The following PDE4D variants were observed in gnomAD, a reference collection of about 807,000 sequenced individuals.
The protein encoded by PDE4D is phosphodiesterase 4D.
PDE4D carries 24 observed loss-of-function variants against 87.4 expected under a neutral mutation model. The ratio of observed to expected loss-of-function variants is 0.27; its 90% CI spans 0.20 to 0.39. The LOEUF (loss-of-function observed/expected upper bound fraction) is 0.39. Among genes scored for constraint, PDE4D ranks in the 10% least tolerant of loss-of-function variants. The pLI is 1.00. For synonymous variants in PDE4D, 384 were observed against 383.2 expected (o/e 1.00, Z -0.02); for missense variants, 714 against 1,041.0 (o/e 0.69, Z 4.32).
chr5:59,512,413 T>C (rs1562311600), intron 1 of PDE4D, among the ~76,000 whole-genome samples: 1 of 152,160 alleles, frequency 6.6e-6, no homozygotes, highest in African/African-American at 2.4e-5. Context: ...GTCATGGAGC[T>C]CCATATGCCT....
intron 3 of PDE4D, among the ~76,000 whole-genome samples, chr5:59,920,404 G>A (rs973408200): frequency 1.2e-4 from 18 of 152,132 alleles, no homozygotes; most frequent in African/African-American, 4.1e-4. Flanking sequence ...ATGCTGATGT[G>A]TTGAATGTAC....
At chr5:59,402,722 C>A (rs543644102) in intron 1 of PDE4D, among the ~76,000 whole-genome samples, 1 of 152,130 alleles carries the variant, frequency 6.6e-6, no homozygotes, top group Non-Finnish European at 1.5e-5. Context: ...ATGCACAGGG[C>A]TTAGAACAAG....
At chr5:59,064,516 C>G (rs1037627428) in intron 5 of PDE4D, among the ~76,000 whole-genome samples, 1 of 152,028 alleles carries the variant, frequency 6.6e-6, no homozygotes, top group African/African-American at 2.4e-5. Context: ...TACAGGCTAC[C>G]CGTTTCCCAG....
intron 1 of PDE4D, among the ~76,000 whole-genome samples, chr5:59,805,901 C>A (rs1332056668): frequency 6.6e-6 from 1 of 151,928 alleles, no homozygotes; most frequent in Admixed American, 6.6e-5. Context: ...CTTTTGCCAC[C>A]TCCCCGTCTG....
At chr5:59,806,776 T>A (rs1477000799) in intron 1 of PDE4D, among the ~76,000 whole-genome samples, 1 of 152,214 alleles carries the variant, frequency 6.6e-6, no homozygotes, top group Non-Finnish European at 1.5e-5. Flanking sequence ...ATTTTAAGTG[T>A]TTTCACCACA....
chr5:59,759,217 A>G (rs1157003829), intron 1 of PDE4D, among the ~76,000 whole-genome samples: 1 of 152,164 alleles, frequency 6.6e-6, no homozygotes, highest in Non-Finnish European at 1.5e-5. Flanking sequence ...AATTATAAAG[A>G]AATTTACACA....
rs1207368667 is a variant in PDE4D at position 59,668,813 on chromosome 5, G to GAAGA, written c.455+224351_455+224354dup. Among the ~76,000 whole-genome samples, 121 of 88,218 alleles carry GAAGA rather than the reference G, an allele frequency of 1.4e-3. 2 individuals are homozygous for GAAGA. Among genetic ancestry groups the GAAGA allele is most frequent in the African/African-American group, 5.0e-3 (86 of 17,308 alleles). 57.9% of individuals were successfully genotyped at this position (88,218 alleles called of 152,430 possible). ...AAGAAAGAAGAAGAAGAAAGAAGAA[G>GAAGA]AAGAAGAAGAAGAAGAAGAGGAAGA... On this transcript the variant is annotated intron_variant, in intron 1 of 14. Coordinates refer to ENST00000340635, the MANE Select transcript of PDE4D (RefSeq NM_001104631.2).
At chr5:60,189,553 T>C (rs937517847) in intron 1 of PDE4D, among the ~76,000 whole-genome samples, 2 of 152,184 alleles carry the variant, frequency 1.3e-5, no homozygotes, top group Admixed American at 1.3e-4. Context: ...AATCTATGTA[T>C]TGAAACAGCA....
chr5:59,574,226 G>A (rs143197063), intron 1 of PDE4D, among the ~76,000 whole-genome samples: 2,092 of 137,818 alleles, frequency 0.015, 72 homozygotes, highest in African/African-American at 0.054. Flanking sequence ...TTCTGGTGCC[G>A]TTTGTAAAGG....
intron 1 of PDE4D, among the ~76,000 whole-genome samples, chr5:60,464,393 C>T (rs369819781): frequency 2.0e-5 from 3 of 152,218 alleles, no homozygotes; most frequent in African/African-American, 7.2e-5. Flanking sequence ...AAAATCCCTC[C>T]TTAACAGTAG....
intron 1 of PDE4D, among the ~76,000 whole-genome samples, chr5:60,460,974 AAG>A: frequency 6.6e-6 from 1 of 152,202 alleles, no homozygotes; most frequent in African/African-American, 2.4e-5. Flanking sequence ...TGGACCCCCC[AAG>A]GAAGCTAATC....
At chr5:59,903,395 A>G (rs7729259) in intron 3 of PDE4D, among the ~76,000 whole-genome samples, 1 of 151,980 alleles carries the variant, frequency 6.6e-6, no homozygotes, top group African/African-American at 2.4e-5. Flanking sequence ...AGGTTCTTCA[A>G]ACTGTTCTGA....
intron 1 of PDE4D, among the ~76,000 whole-genome samples, chr5:59,299,794 T>C (rs1769825547): frequency 6.6e-6 from 1 of 152,028 alleles, no homozygotes; most frequent in African/African-American, 2.4e-5. Flanking sequence ...ATGGGGTAGA[T>C]TAACGAGAAA....
chr5:59,163,633 C>A (rs1348293115), intron 5 of PDE4D, among the ~76,000 whole-genome samples: 1 of 152,124 alleles, frequency 6.6e-6, no homozygotes, highest in African/African-American at 2.4e-5. Context: ...ATATATCTTT[C>A]AAAAAACTTA....
chr5:59,661,275 T>C (rs1447674432), intron 1 of PDE4D, among the ~76,000 whole-genome samples: 1 of 152,100 alleles, frequency 6.6e-6, no homozygotes, highest in Non-Finnish European at 1.5e-5. Context: ...TTAGTATTAC[T>C]TTCTGAAGAG....
At chr5:59,131,824 AT>A (rs2153451270) in intron 5 of PDE4D, among the ~76,000 whole-genome samples, 1 of 152,262 alleles carries the variant, frequency 6.6e-6, no homozygotes, top group South Asian at 2.1e-4. Flanking sequence ...AGAGTTGGTA[AT>A]TGTATGTTGG....
At chr5:59,815,634 T>C (rs1768891537) in intron 1 of PDE4D, among the ~76,000 whole-genome samples, 1 of 152,224 alleles carries the variant, frequency 6.6e-6, no homozygotes, top group Non-Finnish European at 1.5e-5. Context: ...AATTGTTAGC[T>C]AGTGTTCCTG....
chr5:59,215,644 T>A (rs1751084831), intron 2 of PDE4D, 133 bp downstream of exon 2: 6 of 730,130 alleles, frequency 8.2e-6, no homozygotes, highest in Non-Finnish European at 1.4e-5. Flanking sequence ...CTAGCTTGTA[T>A]AATTTTATTC....
chr5:59,869,577 T>G (rs1375138582), intron 1 of PDE4D, among the ~76,000 whole-genome samples: 1 of 152,106 alleles, frequency 6.6e-6, no homozygotes, highest in Non-Finnish European at 1.5e-5. Context: ...CTTGTTTGTG[T>G]TTTTGTTGGC....
Sources: allele counts gnomAD v4.1 joint callset (sites outside exome capture counted in the v4.1 genomes callset), GRCh38; gene constraint gnomAD v4.1.1; transcripts MANE v1.5; gene names NCBI Gene and HGNC (gene_info 2026-07-23, HGNC 2026-07-21).